The following MTHFD1 variants were observed in gnomAD, a reference collection of about 807,000 sequenced individuals.
The protein encoded by MTHFD1 is methylenetetrahydrofolate dehydrogenase, cyclohydrolase and formyltetrahydrofolate synthetase 1.
A neutral mutation model predicts 110.3 loss-of-function variants in MTHFD1; 44 were observed. The observed-to-expected ratio is 0.40, with a 90% CI of 0.31 to 0.51. The LOEUF is 0.51. Ranked by LOEUF, MTHFD1 falls within the 20% of genes least tolerant of loss-of-function variation. The pLI is 0.60. For missense variants in MTHFD1, 909 were observed against 1,173.1 expected (o/e 0.77, Z 3.29); for synonymous variants, 402 against 428.8 (o/e 0.94, Z 0.77).
chr14:64,454,793 G>A lies in MTHFD1; in HGVS notation c.2636G>A (p.Gly879Asp). ...TTGTCTCACAACCCAGAGCAAAAAG[G>A]TGTCCCTACAGGCTTCATTCTGCCC... is the stretch of plus-strand genomic sequence containing the variant. ...LSLSHNPEQK[G>D]VPTGFILPIR... The change falls in exon 26 of 28, where the codon GGT (glycine) becomes GAT (aspartate). Residue 879 changes from glycine (G) to aspartate (D), a missense_variant. By Grantham distance (94) the Gly-to-Asp change is moderately conservative. Transcript: ENST00000652337. The A allele has an allele frequency of 2.5e-6, 4 of 1,614,118 alleles. No homozygotes were observed. Among genetic ancestry groups the A allele is most frequent in the South Asian group, 1.1e-5 (1 of 91,080 alleles).
intron 26 of MTHFD1, among the ~76,000 whole-genome samples, chr14:64,457,196 T>C (rs1333128446): frequency 1.3e-5 from 2 of 152,224 alleles, no homozygotes; most frequent in Non-Finnish European, 2.9e-5. Context: ...ATCGTGTTGC[T>C]GAAGCAAAAA....
chr14:64,395,141 A>G (rs1395887696), intron 1 of MTHFD1, among the ~76,000 whole-genome samples: 2 of 152,216 alleles, frequency 1.3e-5, no homozygotes, highest in African/African-American at 4.8e-5. Context: ...CTCAGAGCCA[A>G]CCTTGTCTTG....
rs746125112 is a variant in MTHFD1 at position 64,439,151 on chromosome 14, G to A, written c.1653G>A (p.Thr551=). The A allele has an allele frequency of 2.4e-5, 39 of 1,613,920 alleles. No individual in the cohort carries two copies. The highest frequency in any genetic ancestry group is 2.4e-4 in the South Asian group (22 of 91,072). Reference sequence around the variant, plus strand: ...AGATCACGATTGGACAGGCTCCAACGGAGAAGGGTCACACACGGACGGTAA... The same window carrying A: ...AGATCACGATTGGACAGGCTCCAACAGAGAAGGGTCACACACGGACGGTAA... ...LRKITIGQAP[T]EKGHTRTAQF... The change falls in exon 17 of 28, where the codon ACG becomes ACA. Residue 551 remains threonine (T), a synonymous_variant. Coordinates refer to ENST00000652337, the MANE Select transcript of MTHFD1 (RefSeq NM_005956.4).
Position 64,442,384 on chromosome 14 carries a change from G to T in MTHFD1, c.2118G>T (p.Met706Ile). ...TTGCCACTGTCAGGGCTCTCAAGAT[G>T]CACGGGGGCGGCCCCACGGTGAGTG... Reference protein sequence around the residue: ...VLVATVRALKMHGGGPTVTAG... With the variant: ...VLVATVRALKIHGGGPTVTAG... Residue 706 changes from methionine to isoleucine, a missense_variant, in exon 21 of 28, where the codon ATG becomes ATT. Met to Ile is a conservative substitution (Grantham distance 10, BLOSUM62 1). This residue lies in a region of MTHFD1 where 482 missense variants were observed against 646.0 expected (regional missense o/e 0.75). Transcript: ENST00000652337. 2 of 1,614,208 alleles carry T rather than the reference G, an allele frequency of 1.2e-6. No homozygotes were observed. Among genetic ancestry groups the T allele is most frequent in the Non-Finnish European group, 1.7e-6 (2 of 1,180,032 alleles).
intron 25 of MTHFD1, among the ~76,000 whole-genome samples, 155 bp from the exon 26 acceptor site, chr14:64,454,568 A>G (rs1166355657): frequency 6.7e-6 from 1 of 150,200 alleles, no homozygotes; most frequent in African/African-American, 2.4e-5. Flanking sequence ...TTTTGGCTTA[A>G]TAAATAAGCT....
intron 1 of MTHFD1, among the ~76,000 whole-genome samples, chr14:64,399,566 G>A (rs549650791): frequency 6.7e-6 from 1 of 150,268 alleles, no homozygotes; most frequent in African/African-American, 2.5e-5. Context: ...GACTGAGGCA[G>A]CAGAATCGCT....
rs551883374 is a variant in MTHFD1 at position 64,454,412 on chromosome 14, C to T, written c.2566-311C>T. ...TATAGGCATGAACCACTGCACCTGACCCTCTCCAATTTTATTCTCATATCT... is the reference window on the plus strand; with the variant it reads ...TATAGGCATGAACCACTGCACCTGATCCTCTCCAATTTTATTCTCATATCT... On this transcript the variant is annotated intron_variant, in intron 25 of 27. Coordinates refer to ENST00000652337, the MANE Select transcript of MTHFD1 (RefSeq NM_005956.4). Among the ~76,000 whole-genome samples the T allele has an allele frequency of 5.9e-5, 9 of 152,300 alleles. No homozygotes were observed. In the South Asian group the frequency reaches 1.9e-3, roughly 32 times the overall value.
chr14:64,412,235 G>T (rs1441271495), intron 3 of MTHFD1, among the ~76,000 whole-genome samples: 1 of 152,094 alleles, frequency 6.6e-6, no homozygotes, highest in African/African-American at 2.4e-5. Flanking sequence ...ATGAATTTGG[G>T]GTCCCAAGAT....
chr14:64,396,818 A>G lies in MTHFD1; in HGVS notation c.42-3975A>G, dbSNP rs894883549. 4.6e-5 allele frequency among the ~76,000 whole-genome samples: 7 copies of G among 151,220 alleles called. No homozygotes were observed. In the East Asian group the frequency reaches 1.2e-3, roughly 26 times the overall value. On this transcript the variant is annotated intron_variant, in intron 1 of 27. Coordinates refer to ENST00000652337, the MANE Select transcript of MTHFD1 (RefSeq NM_005956.4). ...TTGTGTTCTGCATTTTAAAAATCTT[A>G]TAATAGCTGGGCGCCGTGGCTCACT... is the stretch of plus-strand genomic sequence containing the variant.
At chr14:64,398,219 T>C (rs1476511042) in intron 1 of MTHFD1, among the ~76,000 whole-genome samples, 1 of 152,184 alleles carries the variant, frequency 6.6e-6, no homozygotes, top group Non-Finnish European at 1.5e-5. Flanking sequence ...TTGTAGAGAA[T>C]ACTGACTTGA....
intron 1 of MTHFD1, among the ~76,000 whole-genome samples, chr14:64,392,328 A>T (rs889087006): frequency 6.6e-6 from 1 of 152,176 alleles, no homozygotes; most frequent in South Asian, 2.1e-4. Flanking sequence ...TGGGAGAAGG[A>T]TGTGCATTAG....
At chr14:64,391,484 T>C (rs2077804895) in intron 1 of MTHFD1, among the ~76,000 whole-genome samples, 1 of 152,174 alleles carries the variant, frequency 6.6e-6, no homozygotes, top group Non-Finnish European at 1.5e-5. Flanking sequence ...GCTTTTTCTT[T>C]ACAGTCTTCC....
At chr14:64,408,585 G>A (rs1045660228) in intron 2 of MTHFD1, among the ~76,000 whole-genome samples, 2 of 152,120 alleles carry the variant, frequency 1.3e-5, no homozygotes, top group Non-Finnish European at 2.9e-5. Flanking sequence ...CACCATGCCC[G>A]GCCAGAATAC....
chr14:64,458,126 A>C (rs2078504796), intron 26 of MTHFD1, 88 bp from the exon 27 acceptor site: 1 of 1,055,532 alleles, frequency 9.5e-7, no homozygotes, highest in Admixed American at 1.7e-5. Flanking sequence ...CCTGGCCTCA[A>C]GTGATCCTCT....
At chr14:64,439,799 C>T (rs1240849378) in intron 17 of MTHFD1, among the ~76,000 whole-genome samples, 2 of 149,628 alleles carry the variant, frequency 1.3e-5, no homozygotes, top group African/African-American at 4.9e-5. Flanking sequence ...GAGGCTGAGG[C>T]GCGAAAATTG....
At chr14:64,426,327 T>C in intron 11 of MTHFD1, 135 bp downstream of exon 11, 3 of 995,656 alleles carry the variant, frequency 3.0e-6, no homozygotes, top group South Asian at 1.4e-5. Context: ...TTTGATCTCA[T>C]TTGATCCTTA....
intron 4 of MTHFD1, among the ~76,000 whole-genome samples, chr14:64,413,033 C>T (rs2077996836): frequency 6.6e-6 from 1 of 151,794 alleles, no homozygotes; most frequent in South Asian, 2.1e-4. Context: ...TGTTTGCTTC[C>T]AAATCATCTG....
chr14:64,446,467 C>T (rs951941608), intron 22 of MTHFD1, among the ~76,000 whole-genome samples: 17 of 152,198 alleles, frequency 1.1e-4, no homozygotes, highest in Non-Finnish European at 2.4e-4. Flanking sequence ...AGCAGGGCTG[C>T]AGTAAACATA....
chr14:64,448,062 A>G (rs1244796328), intron 22 of MTHFD1, 155 bp from the exon 23 acceptor site: 1 of 685,590 alleles, frequency 1.5e-6, no homozygotes, highest in African/African-American at 1.8e-5. Flanking sequence ...CCGCACTGGA[A>G]AAAATGCACC....
Sources: allele counts gnomAD v4.1 joint callset (sites outside exome capture counted in the v4.1 genomes callset), GRCh38; gene constraint gnomAD v4.1.1; regional missense constraint gnomAD v4.1.1; transcripts MANE v1.5; gene names NCBI Gene and HGNC (gene_info 2026-07-23, HGNC 2026-07-21).